DLGAP2: variants seen among roughly 807,000 people sequenced by gnomAD.
DLGAP2 encodes the protein DLG associated protein 2.
A neutral mutation model predicts 100.3 loss-of-function variants in DLGAP2; 26 were observed. The observed-to-expected ratio is 0.26, with a 90% CI of 0.19 to 0.36. DLGAP2 has a LOEUF of 0.36. Ranked by LOEUF, DLGAP2 falls within the 10% of genes least tolerant of loss-of-function variation. DLGAP2 has a pLI of 1.00. For missense variants in DLGAP2, 1,858 were observed against 1,453.2 expected, an observed-to-expected ratio of 1.28 and a Z score of -4.53; for synonymous variants, 886 against 630.1, an observed-to-expected ratio of 1.41 and a Z score of -6.08.
chr8:1,358,198 G>A (rs1163716122), intron 3 of DLGAP2, among the ~76,000 whole-genome samples: 1 of 152,184 alleles, frequency 6.6e-6, no homozygotes, highest in Non-Finnish European at 1.5e-5. Context: ...AAAAGGATGT[G>A]GACGCACAAA....
In DLGAP2 at chr8:1,409,554, C is replaced by T. The variant is rs575012090; in HGVS notation, c.107-91812C>T. On this transcript the variant is annotated intron_variant, in intron 3 of 14. Transcript: ENST00000637795. ...CCCTCCTCGCTTCCCAGCCTGTCAC[C>T]GTGTGATGGTGAATCTTCTCCGTCA... is the stretch of plus-strand genomic sequence containing the variant. Among the ~76,000 whole-genome samples the T allele has an allele frequency of 7.2e-5, 11 of 152,298 alleles. 1 individual carries two copies. The highest frequency in any genetic ancestry group is 6.2e-4 in the South Asian group (3 of 4,820).
intron 12 of DLGAP2, chr8:1,678,832 G>A: frequency 3.7e-6 from 2 of 541,124 alleles, no homozygotes; most frequent in Non-Finnish European, 2.9e-6. Flanking sequence ...GATATCGAAG[G>A]AAAATTGTGT....
intron 2 of DLGAP2, among the ~76,000 whole-genome samples, chr8:1,072,246 C>G (rs1803455795): frequency 6.6e-6 from 1 of 152,262 alleles, no homozygotes; most frequent in African/African-American, 2.4e-5. Context: ...TGTTCAGATG[C>G]AGGGCACTCT....
At chr8:858,740 T>A (rs1398649680) in intron 1 of DLGAP2, among the ~76,000 whole-genome samples, 5 of 149,848 alleles carry the variant, frequency 3.3e-5, no homozygotes, top group African/African-American at 1.2e-4. Flanking sequence ...GGCACATGTA[T>A]GATGCTGTCA....
chr8:977,618 T>G (rs933193739), intron 2 of DLGAP2, among the ~76,000 whole-genome samples: 1 of 152,274 alleles, frequency 6.6e-6, no homozygotes, highest in African/African-American at 2.4e-5. Context: ...TAATTTATAC[T>G]TAGTAAACTC....
intron 2 of DLGAP2, among the ~76,000 whole-genome samples, chr8:1,225,164 G>A (rs905614396): frequency 3.9e-5 from 6 of 152,202 alleles, no homozygotes; most frequent in Admixed American, 3.3e-4. Context: ...CATGATAGCC[G>A]AAGGGGAACC....
At chr8:937,152 G>A (rs529295540) in intron 2 of DLGAP2, among the ~76,000 whole-genome samples, 15 of 152,244 alleles carry the variant, frequency 9.9e-5, no homozygotes, top group Admixed American at 1.3e-4. Context: ...AGTCTCCCTC[G>A]CTCGCCTGAC....
chr8:762,932 C>T (rs984096339), intron 1 of DLGAP2, among the ~76,000 whole-genome samples: 2 of 152,190 alleles, frequency 1.3e-5, no homozygotes, highest in African/African-American at 4.8e-5. Context: ...TCACCTCGGC[C>T]TCCCAAAGTG....
intron 3 of DLGAP2, among the ~76,000 whole-genome samples, chr8:1,332,466 T>C (rs925192194): frequency 1.3e-5 from 2 of 152,288 alleles, no homozygotes; most frequent in Admixed American, 6.5e-5. Context: ...CATGAGTATA[T>C]GCATGTGTGT....
intron 2 of DLGAP2, among the ~76,000 whole-genome samples, chr8:922,266 A>G (rs1798730937): frequency 1.3e-5 from 2 of 152,198 alleles, no homozygotes; most frequent in Non-Finnish European, 2.9e-5. Context: ...TCTCTATGGG[A>G]TGAGTCCTGC....
intron 2 of DLGAP2, among the ~76,000 whole-genome samples, chr8:1,060,880 G>T (rs1275316582): frequency 6.6e-6 from 1 of 152,308 alleles, no homozygotes; most frequent in Non-Finnish European, 1.5e-5. Context: ...GGTGGGCTCT[G>T]CCCCCTCACA....
At position 1,377,515 on chromosome 8, in the gene DLGAP2, G is replaced by A. The variant is rs149916075; in HGVS notation, c.106+118632G>A. Among the ~76,000 whole-genome samples, 392 of 152,302 alleles carry A rather than the reference G, an allele frequency of 2.6e-3. 6 individuals are homozygous for A. Among genetic ancestry groups the A allele is most frequent in the African/African-American group, 8.9e-3 (369 of 41,556 alleles). ...GCTGAGATCGCACCACTGCACTCCA[G>A]CCCGGGCGATAGAGCGAGACTCCGA... On this transcript the variant is annotated intron_variant, in intron 3 of 14. Coordinates refer to ENST00000637795, the MANE Select transcript of DLGAP2 (RefSeq NM_001346810.2).
chr8:1,266,208 C>A (rs1485275609), intron 3 of DLGAP2, among the ~76,000 whole-genome samples: 1 of 152,186 alleles, frequency 6.6e-6, no homozygotes, highest in Non-Finnish European at 1.5e-5. Context: ...GGGGTTCTTG[C>A]CAAGTTCACA....
At chr8:1,018,448 G>A (rs989441857) in intron 2 of DLGAP2, among the ~76,000 whole-genome samples, 1 of 152,202 alleles carries the variant, frequency 6.6e-6, no homozygotes, top group Non-Finnish European at 1.5e-5. Context: ...GCTCTTGGCT[G>A]CCCTATGAAT....
intron 4 of DLGAP2, 72 bp downstream of exon 4, chr8:1,501,503 C>A: frequency 7.0e-7 from 1 of 1,422,562 alleles, no homozygotes; most frequent in South Asian, 1.2e-5. Context: ...CACCTCCCAT[C>A]ATGCGGACCG....
chr8:878,979 C>T (rs762479740), intron 1 of DLGAP2, among the ~76,000 whole-genome samples: 3 of 152,204 alleles, frequency 2.0e-5, no homozygotes, highest in South Asian at 2.1e-4. Context: ...CTTTTAGAGT[C>T]CTGGGACTGA....
At chr8:1,304,923 C>T (rs1375289205) in intron 3 of DLGAP2, among the ~76,000 whole-genome samples, 3 of 152,202 alleles carry the variant, frequency 2.0e-5, no homozygotes, top group African/African-American at 7.2e-5. Flanking sequence ...TCATGCATAT[C>T]GTGCATAAGG....
intron 3 of DLGAP2, among the ~76,000 whole-genome samples, chr8:1,281,578 G>T (rs1799814347): frequency 6.6e-6 from 1 of 152,196 alleles, no homozygotes; most frequent in Non-Finnish European, 1.5e-5. Flanking sequence ...GAGACCCAGG[G>T]TTGACCAGTT....
chr8:1,308,138 G>A (rs1353100449), intron 3 of DLGAP2, among the ~76,000 whole-genome samples: 1 of 152,208 alleles, frequency 6.6e-6, no homozygotes, highest in East Asian at 1.9e-4. Flanking sequence ...AGTGGTCCCT[G>A]GGCTCGTTGC....
Sources: allele counts gnomAD v4.1 joint callset (sites outside exome capture counted in the v4.1 genomes callset), GRCh38; gene constraint gnomAD v4.1.1; transcripts MANE v1.5; gene names NCBI Gene and HGNC (gene_info 2026-07-23, HGNC 2026-07-21).